The following FOXN3 variants were observed in gnomAD, a reference collection of about 807,000 sequenced individuals.
The protein encoded by FOXN3 is forkhead box N3, also known as forkhead box protein N3.
In FOXN3, 7 loss-of-function variants were observed where a neutral mutation model predicts 38.4. The ratio of observed to expected loss-of-function variants is 0.18; its 90% confidence interval spans 0.10 to 0.34. FOXN3 has a LOEUF of 0.34. Ranked by LOEUF, FOXN3 falls within the 10% of genes least tolerant of loss-of-function variation. The probability of loss-of-function intolerance (pLI) is 1.00; values close to 1 mark genes in which losing one functional copy is unlikely to be tolerated. For synonymous variants in FOXN3, 230 were observed against 242.2 expected, an observed-to-expected ratio of 0.95 and a Z score of 0.47; for missense variants, 456 against 613.4, an observed-to-expected ratio of 0.74 and a Z score of 2.71.
At chr14:89,575,106 C>T (rs1895578344) in intron 1 of FOXN3, among the ~76,000 whole-genome samples, 1 of 152,174 alleles carries the variant, frequency 6.6e-6, no homozygotes, top group Non-Finnish European at 1.5e-5. Flanking sequence ...CTGATGAAAG[C>T]TAACTCAGAC....
intron 2 of FOXN3, among the ~76,000 whole-genome samples, chr14:89,359,453 A>G (rs1436218302): frequency 6.6e-6 from 1 of 152,212 alleles, no homozygotes; most frequent in Non-Finnish European, 1.5e-5. Context: ...GATTTCATCT[A>G]AAAAAATTGC....
Position 89,481,057 on chromosome 14 carries a change from G to T in FOXN3, c.-14-68567C>A, listed in dbSNP as rs896479816. Among the ~76,000 whole-genome samples, 32 of 149,246 alleles carry T rather than the reference G, an allele frequency of 2.1e-4. 1 individual carries two copies. On this transcript the variant is annotated intron_variant, in intron 1 of 6. Coordinates refer to the FOXN3 transcript ENST00000345097. The stretch of plus-strand genomic sequence containing the variant: ...ATGGCTTTTTATTTGATAATATTCT[G>T]CACATAAACTGGTCTTTGATTGTGG...
At chr14:89,577,211 CA>C (rs1895650119) in intron 1 of FOXN3, 1 of 152,206 alleles carries the variant, frequency 6.6e-6, no homozygotes, top group African/African-American at 2.4e-5. Flanking sequence ...TCCAAGATAA[CA>C]GCTATTGTGT....
intron 5 of FOXN3, among the ~76,000 whole-genome samples, chr14:89,170,387 GAC>G (rs1298008843): frequency 7.9e-5 from 12 of 152,094 alleles, no homozygotes; most frequent in African/African-American, 1.2e-4. Flanking sequence ...TAATGGAAAA[GAC>G]ATATTTTCTG....
chr14:89,595,160 C>CAA (rs1329859208), intron 1 of FOXN3, among the ~76,000 whole-genome samples: 36 of 128,338 alleles, frequency 2.8e-4, no homozygotes, highest in Middle Eastern at 4.3e-3. Context: ...ACTAAAAATA[C>CAA]AAAAAAAAAA....
At chr14:89,430,827 G>T (rs1317706269) in intron 1 of FOXN3, among the ~76,000 whole-genome samples, 2 of 152,198 alleles carry the variant, frequency 1.3e-5, no homozygotes, top group African/African-American at 4.8e-5. Flanking sequence ...CTAACCAAAA[G>T]TAAAAGCAGA....
At chr14:89,315,882 T>A (rs1887703785) in intron 3 of FOXN3, among the ~76,000 whole-genome samples, 1 of 152,158 alleles carries the variant, frequency 6.6e-6, no homozygotes, top group Admixed American at 6.5e-5. Context: ...AAGGGGCCCA[T>A]GCAGATGGTG....
chr14:89,244,017 G>A (rs577900480), intron 4 of FOXN3, among the ~76,000 whole-genome samples: 1 of 152,344 alleles, frequency 6.6e-6, no homozygotes, highest in South Asian at 2.1e-4. Context: ...CTGATGCTAA[G>A]GTGGCTTTGC....
intron 3 of FOXN3, among the ~76,000 whole-genome samples, chr14:89,293,253 C>T (rs894096310): frequency 6.6e-6 from 1 of 152,246 alleles, no homozygotes; most frequent in Non-Finnish European, 1.5e-5. Flanking sequence ...CCCCCCTCTG[C>T]CTTGCTTGCC....
intron 1 of FOXN3, among the ~76,000 whole-genome samples, chr14:89,467,458 C>A (rs1004661120): frequency 6.6e-6 from 1 of 151,310 alleles, no homozygotes; most frequent in Non-Finnish European, 1.5e-5. Context: ...TTTTAAATGC[C>A]GAAAAATTAA....
intron 1 of FOXN3, among the ~76,000 whole-genome samples, chr14:89,597,156 G>A (rs1158816530): frequency 6.6e-6 from 1 of 152,036 alleles, no homozygotes; most frequent in Non-Finnish European, 1.5e-5. Context: ...AATTTTTGCT[G>A]TCATATTTTC....
intron 1 of FOXN3, among the ~76,000 whole-genome samples, chr14:89,595,862 G>A (rs1175278348): frequency 6.6e-6 from 1 of 152,144 alleles, no homozygotes; most frequent in African/African-American, 2.4e-5. Context: ...GCTTCTTACA[G>A]TAAGAAAACT....
intron 4 of FOXN3, among the ~76,000 whole-genome samples, chr14:89,207,344 AAAC>A (rs1462597272): frequency 1.3e-5 from 2 of 152,212 alleles, no homozygotes; most frequent in African/African-American, 2.4e-5. Context: ...ATTAAAAAAA[AAAC>A]AACTGGCTAA....
chr14:89,247,012 CT>C (rs1885318848), intron 4 of FOXN3, among the ~76,000 whole-genome samples: 1 of 152,080 alleles, frequency 6.6e-6, no homozygotes, highest in Non-Finnish European at 1.5e-5. Context: ...TCCCTCTTTC[CT>C]TTCTTTCTTC....
chr14:89,500,918 T>C (rs1893784551), intron 1 of FOXN3, among the ~76,000 whole-genome samples: 2 of 152,246 alleles, frequency 1.3e-5, no homozygotes, highest in South Asian at 4.1e-4. Flanking sequence ...ACGTCTCCTT[T>C]TCATTCTGAA....
intron 3 of FOXN3, among the ~76,000 whole-genome samples, chr14:89,304,386 G>A (rs566895565): frequency 2.0e-5 from 3 of 152,276 alleles, no homozygotes; most frequent in Non-Finnish European, 2.9e-5. Flanking sequence ...GAGCAGAACC[G>A]CGGTGAAGAC....
chr14:89,383,852 C>T (rs1439609622), intron 2 of FOXN3, among the ~76,000 whole-genome samples: 2 of 150,664 alleles, frequency 1.3e-5, no homozygotes, highest in Non-Finnish European at 2.9e-5. Context: ...TGCAATGGTG[C>T]GATCTCAGCT....
Position 89,326,700 on chromosome 14 carries a change from C to A in FOXN3, c.680+23972G>T, listed in dbSNP as rs28505910. ...TAATGGCCAGAAATAGTAAACATTG[C>A]TGTCAAAAAAAAAGAATCAGAGCTG... On this transcript the variant is annotated intron_variant, in intron 3 of 5. Transcript: ENST00000557258. Among the ~76,000 whole-genome samples, 443 of 152,016 alleles carry A rather than the reference C, an allele frequency of 2.9e-3. 3 individuals carry two copies. Among genetic ancestry groups the A allele is most frequent in the African/African-American group, 0.01 (415 of 41,480 alleles).
intron 1 of FOXN3, among the ~76,000 whole-genome samples, chr14:89,428,335 T>C (rs1892085793): frequency 2.0e-5 from 3 of 152,224 alleles, no homozygotes; most frequent in Admixed American, 6.5e-5. Flanking sequence ...TCCTCACTCC[T>C]TCCCAAAATA....
Sources: gnomAD v4.1 joint callset for allele counts (sites outside exome capture counted in the v4.1 genomes callset) on GRCh38, gnomAD v4.1.1 for gene constraint, MANE v1.5 for transcripts, NCBI Gene and HGNC (gene_info 2026-07-23, HGNC 2026-07-21) for gene names.